The following EHBP1 variants were observed in gnomAD, a reference collection of about 807,000 sequenced individuals.
EHBP1 encodes EH domain binding protein 1.
Under a neutral mutation model 144.0 loss-of-function variants are expected in EHBP1, and 55 were observed. That is an observed-to-expected ratio of 0.38 (90% CI 0.31 to 0.48). The LOEUF is 0.48. Ranked by LOEUF, EHBP1 falls within the 20% of genes least tolerant of loss-of-function variation. The pLI, the probability that EHBP1 is intolerant of heterozygous loss-of-function variation, is 0.98. For synonymous variants in EHBP1, 469 were observed against 472.7 expected, an observed-to-expected ratio of 0.99 and a Z score of 0.10; for missense variants, 1,200 against 1,364.2, an observed-to-expected ratio of 0.88 and a Z score of 1.90.
chr2:62,995,490 C>A (rs948637503), intron 18 of EHBP1, among the ~76,000 whole-genome samples: 1 of 151,898 alleles, frequency 6.6e-6, no homozygotes, highest in African/African-American at 2.4e-5. Flanking sequence ...TAACATAATT[C>A]TTTATTTTAT....
chr2:62,856,389 T>G (rs537885536), intron 7 of EHBP1, among the ~76,000 whole-genome samples: 1 of 152,158 alleles, frequency 6.6e-6, no homozygotes, highest in Non-Finnish European at 1.5e-5. Context: ...ATGTGGAAAC[T>G]GCAGTGCACC....
chr2:62,865,862 G>A (rs899655935), intron 9 of EHBP1, among the ~76,000 whole-genome samples: 5 of 152,124 alleles, frequency 3.3e-5, no homozygotes, highest in African/African-American at 1.2e-4. Context: ...GTTTGGACTT[G>A]GGAGTACTGA....
At chr2:62,923,774 G>A (rs2055278653) in intron 10 of EHBP1, among the ~76,000 whole-genome samples, 1 of 152,162 alleles carries the variant, frequency 6.6e-6, no homozygotes, top group South Asian at 2.1e-4. Context: ...GTTCACCCCT[G>A]GCAGGCATGC....
At chr2:62,715,455 T>C (rs1351483884) in intron 2 of EHBP1, among the ~76,000 whole-genome samples, 2 of 148,456 alleles carry the variant, frequency 1.3e-5, no homozygotes, top group Non-Finnish European at 3.0e-5. Context: ...TTTCTTTTCT[T>C]TTTTTTTTTT....
chr2:63,008,668 G>A (rs1420711324), intron 19 of EHBP1, among the ~76,000 whole-genome samples: 1 of 133,338 alleles, frequency 7.5e-6, no homozygotes, highest in African/African-American at 2.8e-5. Context: ...TTTTCCGTTT[G>A]CCTAAAAATA....
At chr2:62,904,285 A>G (rs772198193) in intron 10 of EHBP1, among the ~76,000 whole-genome samples, 8 of 152,218 alleles carry the variant, frequency 5.3e-5, no homozygotes, top group Non-Finnish European at 7.4e-5. Context: ...ACTTCCTCAC[A>G]TAAACCCTGT....
intron 4 of EHBP1, 53 bp downstream of exon 4, chr2:62,764,414 A>G: frequency 7.5e-7 from 1 of 1,337,512 alleles, no homozygotes; most frequent in South Asian, 1.5e-5. Flanking sequence ...AGGGTACCAA[A>G]TGACAGAATA....
intron 14 of EHBP1, among the ~76,000 whole-genome samples, chr2:62,968,165 A>G (rs1187505059): frequency 6.6e-6 from 1 of 152,148 alleles, no homozygotes; most frequent in African/African-American, 2.4e-5. Context: ...GTACAATCCA[A>G]AGGAGTTCAT....
At chr2:62,683,951 C>T (rs540934087) in intron 1 of EHBP1, among the ~76,000 whole-genome samples, 3 of 152,280 alleles carry the variant, frequency 2.0e-5, no homozygotes, top group East Asian at 3.9e-4. Context: ...TCAAGCAATT[C>T]TGGGGTCTGG....
intron 19 of EHBP1, among the ~76,000 whole-genome samples, chr2:63,022,698 C>T (rs1435195676): frequency 6.6e-6 from 1 of 152,068 alleles, no homozygotes; most frequent in Non-Finnish European, 1.5e-5. Flanking sequence ...TTTTCATAGG[C>T]CTGTAGGTGG....
At chr2:62,709,385 C>G (rs1572908342) in intron 2 of EHBP1, among the ~76,000 whole-genome samples, 1 of 152,042 alleles carries the variant, frequency 6.6e-6, no homozygotes, top group African/African-American at 2.4e-5. Context: ...CTTAACTTGG[C>G]AGTATACTGG....
intron 11 of EHBP1, among the ~76,000 whole-genome samples, 186 bp from the exon 12 acceptor site, chr2:62,943,616 T>G (rs905152769): frequency 6.6e-6 from 1 of 152,194 alleles, no homozygotes; most frequent in Non-Finnish European, 1.5e-5. Context: ...GTAATCACTG[T>G]TTTTATTCAT....
At chr2:62,691,786 A>G (rs2033914713) in intron 1 of EHBP1, among the ~76,000 whole-genome samples, 1 of 152,170 alleles carries the variant, frequency 6.6e-6, no homozygotes, top group Non-Finnish European at 1.5e-5. Flanking sequence ...CATATTTTAA[A>G]TTTCTGTATT....
intron 2 of EHBP1, among the ~76,000 whole-genome samples, chr2:62,745,560 G>A (rs1473081878): frequency 6.6e-6 from 1 of 152,024 alleles, no homozygotes; most frequent in Non-Finnish European, 1.5e-5. Flanking sequence ...AGAAATATGT[G>A]TTCAGGGGTT....
intron 2 of EHBP1, among the ~76,000 whole-genome samples, chr2:62,742,151 G>C (rs2038771460): frequency 6.6e-6 from 1 of 152,096 alleles, no homozygotes; most frequent in African/African-American, 2.4e-5. Flanking sequence ...TACTGTCTAG[G>C]TTTGTGTAAG....
At chr2:62,779,898 G>C (rs1210763506) in intron 5 of EHBP1, among the ~76,000 whole-genome samples, 1 of 152,092 alleles carries the variant, frequency 6.6e-6, no homozygotes, top group Non-Finnish European at 1.5e-5. Flanking sequence ...ATAATCTTCA[G>C]TATTTTTTTC....
rs190563842 is a variant in EHBP1 at position 63,030,101 on chromosome 2, C to A, written c.3104-7434C>A. Among the ~76,000 whole-genome samples the A allele has an allele frequency of 3.3e-5, 5 of 152,270 alleles. No homozygotes were observed. The South Asian group carries it at 1.0e-3, about 32-fold the overall frequency. ...ATTATATTCAGAATGACTGATCTAA[C>A]CAACCATGAAACTATAGATACTATG... On this transcript the variant is annotated intron_variant, in intron 19 of 22. Coordinates refer to ENST00000431489, the MANE Select transcript of EHBP1 (RefSeq NM_001142616.3).
chr2:62,873,679 C>T (rs1343686319), intron 9 of EHBP1, among the ~76,000 whole-genome samples: 1 of 151,974 alleles, frequency 6.6e-6, no homozygotes, highest in Non-Finnish European at 1.5e-5. Context: ...CAAAATTGCT[C>T]AAACTAGAAA....
chr2:62,714,872 C>G (rs1214865143), intron 2 of EHBP1, among the ~76,000 whole-genome samples: 1 of 152,104 alleles, frequency 6.6e-6, no homozygotes, highest in African/African-American at 2.4e-5. Flanking sequence ...CTGAAATGAG[C>G]TAAGTTTTGA....
Sources: gnomAD v4.1 joint callset for allele counts (sites outside exome capture counted in the v4.1 genomes callset) on GRCh38, gnomAD v4.1.1 for gene constraint, MANE v1.5 for transcripts, NCBI Gene and HGNC (gene_info 2026-07-23, HGNC 2026-07-21) for gene names.